NCAM2: variants seen among roughly 807,000 people sequenced by gnomAD.
NCAM2 encodes N-CAM-2.
NCAM2 carries 30 observed loss-of-function variants against 98.1 expected under a neutral mutation model. The observed-to-expected ratio is 0.31, with a 90% CI of 0.23 to 0.41. The LOEUF (loss-of-function observed/expected upper bound fraction) is 0.41. Ranked by LOEUF, NCAM2 falls within the 10% of genes least tolerant of loss-of-function variation. NCAM2 has a pLI of 1.00. For missense variants in NCAM2, 867 were observed against 1,005.8 expected, an observed-to-expected ratio of 0.86 and a Z score of 1.87; for synonymous variants, 368 against 342.4, an observed-to-expected ratio of 1.07 and a Z score of -0.83.
At chr21:21,473,061 A>T (rs559519941) in intron 14 of NCAM2, among the ~76,000 whole-genome samples, 66 of 151,648 alleles carry the variant, frequency 4.4e-4, no homozygotes, top group Non-Finnish European at 8.7e-4. Context: ...ATTTAAGATT[A>T]ATATCTTTCT....
In NCAM2 at chr21:21,220,841, A is replaced by G. The variant is rs193180220; in HGVS notation, c.56-59737A>G. 3.6e-3 allele frequency among the ~76,000 whole-genome samples: 542 copies of G among 152,334 alleles called. 5 individuals carry two copies. The highest frequency in any genetic ancestry group is 0.013 in the African/African-American group (524 of 41,588). ...GCATACTTTGCTATCCTGAGCTGAT[A>G]AGATTGCCACAGGTGGCACTAAAGG... is the stretch of plus-strand genomic sequence containing the variant. On this transcript the variant is annotated intron_variant, in intron 1 of 17. Coordinates refer to ENST00000400546, the MANE Select transcript of NCAM2 (RefSeq NM_004540.5).
At chr21:21,363,688 G>A (rs1168386485) in intron 8 of NCAM2, among the ~76,000 whole-genome samples, 1 of 151,818 alleles carries the variant, frequency 6.6e-6, no homozygotes, top group African/African-American at 2.4e-5. Flanking sequence ...TATAGAAAAG[G>A]TATCATATAG....
At chr21:21,261,275 A>G (rs1370768069) in intron 1 of NCAM2, among the ~76,000 whole-genome samples, 2 of 152,172 alleles carry the variant, frequency 1.3e-5, no homozygotes, top group Admixed American at 6.5e-5. Context: ...CCCCACTTAC[A>G]TCTCTAGATC....
chr21:21,521,724 TCAAA>T (rs751202076), intron 16 of NCAM2, among the ~76,000 whole-genome samples: 3 of 151,226 alleles, frequency 2.0e-5, no homozygotes, highest in Non-Finnish European at 4.4e-5. Context: ...AAAAAAAGAC[TCAAA>T]CAAACAAATA....
intron 9 of NCAM2, among the ~76,000 whole-genome samples, chr21:21,401,966 C>T (rs187758919): frequency 6.6e-6 from 1 of 152,238 alleles, no homozygotes; most frequent in East Asian, 1.9e-4. Context: ...TTATGCCTGT[C>T]TTACTTTAAT....
At position 21,312,228 on chromosome 21, in the gene NCAM2, T is replaced by A. The variant is rs562221482; in HGVS notation, c.620-12155T>A. ...ATCATGAGTGGATGAGGAATTTTGT[T>A]GTTTTTTTGTTTTAGCATCAACTCA... On this transcript the variant is annotated intron_variant, in intron 5 of 17. Transcript: ENST00000400546. Among the ~76,000 whole-genome samples the A allele has an allele frequency of 1.4e-4, 21 of 152,128 alleles. No homozygotes were observed. The South Asian group carries it at 4.3e-3, about 31-fold the overall frequency.
At chr21:21,043,655 A>C (rs1053260608) in intron 1 of NCAM2, among the ~76,000 whole-genome samples, 1 of 151,976 alleles carries the variant, frequency 6.6e-6, no homozygotes, top group African/African-American at 2.4e-5. Flanking sequence ...GATCAAGACC[A>C]TCCTGGCTAA....
chr21:21,136,975 G>A lies in NCAM2; in HGVS notation c.55+138357G>A, dbSNP rs546685708. ...GTTATTACTGCCAAGAGTTAATACTGGCGAGTGCCACTTTATGACTTAGAG... is the reference window on the plus strand; with the variant it reads ...GTTATTACTGCCAAGAGTTAATACTAGCGAGTGCCACTTTATGACTTAGAG... On this transcript the variant is annotated intron_variant, in intron 1 of 17. Coordinates refer to ENST00000400546, the MANE Select transcript of NCAM2 (RefSeq NM_004540.5). Among the ~76,000 whole-genome samples the A allele has an allele frequency of 3.9e-4, 59 of 151,178 alleles. No homozygotes were observed. The South Asian group carries it at 7.6e-3, about 19-fold the overall frequency.
chr21:21,384,712 G>C (rs1258953773), intron 9 of NCAM2, among the ~76,000 whole-genome samples: 1 of 151,864 alleles, frequency 6.6e-6, no homozygotes, highest in East Asian at 1.9e-4. Context: ...TAAAGTAGAT[G>C]AACACGATGA....
chr21:21,360,543 G>A (rs1602101907), intron 8 of NCAM2, among the ~76,000 whole-genome samples: 2 of 151,774 alleles, frequency 1.3e-5, no homozygotes, highest in African/African-American at 4.8e-5. Flanking sequence ...AAATAAGTAC[G>A]AATAGTAAAA....
At chr21:21,430,170 A>G (rs1015163722) in intron 11 of NCAM2, among the ~76,000 whole-genome samples, 1 of 151,798 alleles carries the variant, frequency 6.6e-6, no homozygotes, top group African/African-American at 2.4e-5. Flanking sequence ...CTGGAATCAC[A>G]GGCACACTCC....
chr21:21,228,678 C>T (rs779818939), intron 1 of NCAM2, among the ~76,000 whole-genome samples: 6 of 151,238 alleles, frequency 4.0e-5, no homozygotes, highest in Admixed American at 2.6e-4. Context: ...GTTTAGATTG[C>T]ATATATGTAG....
intron 5 of NCAM2, among the ~76,000 whole-genome samples, chr21:21,323,247 C>G (rs1264706617): frequency 2.0e-5 from 3 of 152,096 alleles, no homozygotes; most frequent in Non-Finnish European, 4.4e-5. Context: ...AAAGTTCTAT[C>G]TTTTGTAATA....
intron 1 of NCAM2, among the ~76,000 whole-genome samples, chr21:21,143,761 C>G (rs528482291): frequency 1.4e-5 from 2 of 138,676 alleles, no homozygotes; most frequent in Non-Finnish European, 3.1e-5. Flanking sequence ...TGTTTGGTGT[C>G]TTGTAGGCCT....
rs962819124 is a variant in NCAM2 at position 21,269,288 on chromosome 21, C to A, written c.56-11290C>A. The stretch of plus-strand genomic sequence containing the variant: ...GCCTGAGAAACAGAATTGCTGTTTA[C>A]TACTTAAAACATTTAAATGGTTGAT... On this transcript the variant is annotated intron_variant, in intron 1 of 17. Coordinates refer to ENST00000400546, the MANE Select transcript of NCAM2 (RefSeq NM_004540.5). Among the ~76,000 whole-genome samples the A allele has an allele frequency of 8.5e-5, 13 of 152,254 alleles. No homozygotes were observed. In the East Asian group the frequency reaches 2.5e-3, roughly 29 times the overall value.
At chr21:21,272,430 G>A (rs1415756429) in intron 1 of NCAM2, among the ~76,000 whole-genome samples, 1 of 152,002 alleles carries the variant, frequency 6.6e-6, no homozygotes, top group East Asian at 1.9e-4. Context: ...TTCCAGTGAT[G>A]AGACCAAAAC....
intron 12 of NCAM2, among the ~76,000 whole-genome samples, chr21:21,455,815 T>G (rs1982061923): frequency 6.6e-6 from 1 of 151,896 alleles, no homozygotes; most frequent in African/African-American, 2.4e-5. Context: ...TTTCCAAATA[T>G]CTAGAGAGAT....
At position 21,418,608 on chromosome 21, in the gene NCAM2, A is replaced by G. The variant is rs776734942; in HGVS notation, c.1480+39A>G. 9 of 1,379,232 alleles carry G rather than the reference A, an allele frequency of 6.5e-6. No homozygotes were observed. In the African/African-American group the frequency reaches 1.1e-4, roughly 18 times the overall value. 85.4% of individuals were successfully genotyped at this position (1,379,232 alleles called of 1,614,324 possible). On this transcript the variant is annotated intron_variant, in intron 11 of 17. Transcript: ENST00000400546. ...AATAATTTTTGAGATCGCACACAAT[A>G]TTTCTGAGAGCAAATGAAAATTTAA... is the stretch of plus-strand genomic sequence containing the variant.
chr21:21,285,193 G>A (rs1439921636), intron 3 of NCAM2, among the ~76,000 whole-genome samples: 8 of 151,858 alleles, frequency 5.3e-5, no homozygotes, highest in African/African-American at 1.9e-4. Context: ...AATGCCTTAC[G>A]ATTAATAGGT....
Sources: gnomAD v4.1 joint callset for allele counts (sites outside exome capture counted in the v4.1 genomes callset) on GRCh38, gnomAD v4.1.1 for gene constraint, MANE v1.5 for transcripts, NCBI Gene and HGNC (gene_info 2026-07-23, HGNC 2026-07-21) for gene names.